The following BMERB1 variants were observed in gnomAD, a reference collection of about 807,000 sequenced individuals.
BMERB1 encodes bMERB domain-containing protein 1.
BMERB1 carries 12 observed loss-of-function variants against 23.6 expected under a neutral mutation model. The ratio of observed to expected loss-of-function variants is 0.51; its 90% CI spans 0.33 to 0.82. BMERB1 has a LOEUF of 0.82. BMERB1 is among the 40% of genes least tolerant of loss of function. BMERB1 has a pLI of 0.03. For synonymous variants in BMERB1, 122 were observed against 96.6 expected (o/e 1.26, Z -1.54); for missense variants, 247 against 255.4 (o/e 0.97, Z 0.22).
chr16:15,586,258 G>A (rs575361465), intron 5 of BMERB1, among the ~76,000 whole-genome samples: 1 of 152,316 alleles, frequency 6.6e-6, no homozygotes, highest in South Asian at 2.1e-4. Context: ...ACTTACATGT[G>A]ATAGGCATTC....
At chr16:15,510,223 A>C (rs564950591) in intron 1 of BMERB1, among the ~76,000 whole-genome samples, 1 of 152,138 alleles carries the variant, frequency 6.6e-6, no homozygotes, top group Non-Finnish European at 1.5e-5. Flanking sequence ...ATGAATTGTT[A>C]TGGCACCACG....
intron 1 of BMERB1, among the ~76,000 whole-genome samples, chr16:15,462,483 A>G (rs2051144740): frequency 6.6e-6 from 1 of 152,042 alleles, no homozygotes; most frequent in Non-Finnish European, 1.5e-5. Context: ...GGCAGCCTTA[A>G]GTCCAAGATC....
chr16:15,482,986 C>A (rs1395014331), intron 1 of BMERB1, among the ~76,000 whole-genome samples: 1 of 152,038 alleles, frequency 6.6e-6, no homozygotes, highest in Non-Finnish European at 1.5e-5. Context: ...AAAAAATCAC[C>A]CACAATTCTA....
At chr16:15,443,629 A>G (rs1006490321) in intron 1 of BMERB1, among the ~76,000 whole-genome samples, 1 of 151,946 alleles carries the variant, frequency 6.6e-6, no homozygotes, top group Non-Finnish European at 1.5e-5. Flanking sequence ...TGAAAAGTAC[A>G]AGTGTGGGCC....
At chr16:15,479,220 A>G (rs568420005) in intron 1 of BMERB1, among the ~76,000 whole-genome samples, 9 of 152,356 alleles carry the variant, frequency 5.9e-5, no homozygotes, top group South Asian at 2.1e-4. Context: ...ATGGTTTCCA[A>G]TAGAAGACTT....
intron 2 of BMERB1, among the ~76,000 whole-genome samples, chr16:15,529,900 A>C (rs2051950489): frequency 6.6e-6 from 1 of 152,174 alleles, no homozygotes. Flanking sequence ...TTAAAACAAC[A>C]CACATTTCTT....
At chr16:15,449,828 G>A (rs983807742) in intron 1 of BMERB1, among the ~76,000 whole-genome samples, 1 of 152,006 alleles carries the variant, frequency 6.6e-6, no homozygotes, top group African/African-American at 2.4e-5. Context: ...TTACAGGCAT[G>A]AACCACTGCA....
intron 1 of BMERB1, among the ~76,000 whole-genome samples, chr16:15,505,752 G>C (rs569908886): frequency 6.6e-6 from 1 of 152,028 alleles, no homozygotes; most frequent in Non-Finnish European, 1.5e-5. Context: ...GGCTGGTGTG[G>C]TGGTGGGCGC....
intron 2 of BMERB1, among the ~76,000 whole-genome samples, chr16:15,549,057 G>A (rs1181296235): frequency 1.3e-5 from 2 of 152,126 alleles, no homozygotes; most frequent in South Asian, 2.1e-4. Flanking sequence ...GAATGACTGC[G>A]GCCGGATGTG....
intron 2 of BMERB1, among the ~76,000 whole-genome samples, chr16:15,522,389 G>C (rs2051863751): frequency 6.6e-6 from 1 of 152,160 alleles, no homozygotes; most frequent in South Asian, 2.1e-4. Flanking sequence ...GAACCTGGCA[G>C]AGATTCAAAA....
chr16:15,575,285 A>G (rs975105313), intron 3 of BMERB1, among the ~76,000 whole-genome samples: 2 of 152,182 alleles, frequency 1.3e-5, no homozygotes, highest in African/African-American at 4.8e-5. Flanking sequence ...TCTGAAAAAC[A>G]ACTCAGACAT....
rs145825230 is a variant in BMERB1 at position 15,520,087 on chromosome 16, A to G, written c.230+4659A>G. Among the ~76,000 whole-genome samples, 558 of 152,194 alleles carry G rather than the reference A, an allele frequency of 3.7e-3. 1 individual carries two copies. The highest frequency in any genetic ancestry group is 0.013 in the African/African-American group (527 of 41,532). ...TAATTTTAGCTTCTTGAGTCCTCGCAAGAACCCCAATAGAGTAAGTTCTAT... is the reference window on the plus strand; with the variant it reads ...TAATTTTAGCTTCTTGAGTCCTCGCGAGAACCCCAATAGAGTAAGTTCTAT... On this transcript the variant is annotated intron_variant, in intron 2 of 5. Coordinates refer to ENST00000300006, the MANE Select transcript of BMERB1 (RefSeq NM_033201.3).
chr16:15,550,629 C>T (rs147596916), intron 2 of BMERB1, among the ~76,000 whole-genome samples: 1,954 of 152,126 alleles, frequency 0.013, 52 homozygotes, highest in African/African-American at 0.046. Flanking sequence ...TGAGCCACCG[C>T]GCCCGGCCTG....
chr16:15,549,552 G>A lies in BMERB1; in HGVS notation c.231-18431G>A, dbSNP rs1042619980. On this transcript the variant is annotated intron_variant, in intron 2 of 5. Transcript: ENST00000300006. ...ATATTAGCTGGGCGTGGTGGCGGGC[G>A]CCTGTAGTCCCAGCTACTCAGGAGG... Among the ~76,000 whole-genome samples, 25 of 151,772 alleles carry A rather than the reference G, an allele frequency of 1.6e-4. 1 individual carries two copies. Among genetic ancestry groups the A allele is most frequent in the Admixed American group, 8.5e-4 (13 of 15,226 alleles).
chr16:15,473,713 A>G (rs997064683), intron 1 of BMERB1, among the ~76,000 whole-genome samples: 3 of 152,198 alleles, frequency 2.0e-5, no homozygotes, highest in Admixed American at 1.3e-4. Flanking sequence ...TATAGAATTC[A>G]CAATTCATAA....
At chr16:15,548,301 C>G (rs113597122) in intron 2 of BMERB1, among the ~76,000 whole-genome samples, 1 of 152,038 alleles carries the variant, frequency 6.6e-6, no homozygotes, top group African/African-American at 2.4e-5. Context: ...TGGTGAATTC[C>G]GAGTAAATGG....
rs74975427 is a variant in BMERB1 at position 15,517,987 on chromosome 16, G to C, written c.230+2559G>C. ...GGTGTGTATGTGTGCGTGTGGATGT[G>C]TGTGCATGTGTGGATGTGTGTGTGG... On this transcript the variant is annotated intron_variant, in intron 2 of 5. Transcript: ENST00000300006. Among the ~76,000 whole-genome samples, 551 of 145,984 alleles carry C rather than the reference G, an allele frequency of 3.8e-3. 5 individuals carry two copies. The highest frequency in any genetic ancestry group is 0.014 in the African/African-American group (501 of 36,450).
intron 1 of BMERB1, among the ~76,000 whole-genome samples, chr16:15,440,034 C>G (rs1011065306): frequency 6.6e-6 from 1 of 151,904 alleles, no homozygotes; most frequent in African/African-American, 2.4e-5. Flanking sequence ...CGCTTGAGGT[C>G]AGCAGTTCGA....
chr16:15,439,201 G>A (rs917217926), intron 1 of BMERB1, among the ~76,000 whole-genome samples: 3 of 152,178 alleles, frequency 2.0e-5, no homozygotes, highest in Non-Finnish European at 4.4e-5. Flanking sequence ...ACGTTTTGAA[G>A]TTAGGCTGAA....
Sources: gnomAD v4.1 joint callset for allele counts (sites outside exome capture counted in the v4.1 genomes callset) on GRCh38, gnomAD v4.1.1 for gene constraint, MANE v1.5 for transcripts, NCBI Gene and HGNC (gene_info 2026-07-23, HGNC 2026-07-21) for gene names.